The following CDC42BPA variants were observed in gnomAD, a reference collection of about 807,000 sequenced individuals.
CDC42BPA encodes CDC42 binding protein kinase alpha.
CDC42BPA carries 80 observed loss-of-function variants against 223.5 expected under a neutral mutation model. The ratio of observed to expected loss-of-function variants is 0.36; its 90% confidence interval spans 0.30 to 0.43. The LOEUF is 0.43. Among genes scored for constraint, CDC42BPA ranks in the 20% least tolerant of loss-of-function variants. The probability of loss-of-function intolerance (pLI) is 1.00; values close to 1 mark genes in which losing one functional copy is unlikely to be tolerated. For missense variants in CDC42BPA, 1,743 were observed against 2,099.9 expected, an observed-to-expected ratio of 0.83 and a Z score of 3.32; for synonymous variants, 694 against 718.6, an observed-to-expected ratio of 0.97 and a Z score of 0.55.
chr1:227,023,281 AAT>A lies in CDC42BPA; in HGVS notation c.4595_4596del (p.Tyr1532PhefsTer4). 1 of 1,466,980 alleles carries A rather than the reference AAT, an allele frequency of 6.8e-7. No homozygotes were observed. Among genetic ancestry groups the A allele is most frequent in the Non-Finnish European group, 9.5e-7 (1 of 1,056,288 alleles). The allele number at this position is 1,466,980 out of a possible 1,614,324, so 90.9% of individuals were successfully genotyped here. A position where few individuals can be genotyped will look rare whatever the true frequency, so the allele number is the denominator to read the frequency against. On this transcript the variant is annotated frameshift_variant, in exon 32 of 37. Coordinates refer to ENST00000366766, the MANE Select transcript of CDC42BPA (RefSeq NM_001394014.1). LOFTEE classifies it high-confidence loss of function. Reference protein sequence around the residue: ...LLGLETIRLIYFKNKMAEGDE... With the variant: ...LLGLETIRLIXFKNKMAEGDE... Reference sequence around the variant, plus strand: ...TTCTTACCTGCCATCTTATTTTTGAAATATATTAATCTAATGGTCTCCAACCC... The same window carrying A: ...TTCTTACCTGCCATCTTATTTTTGAAATATTAATCTAATGGTCTCCAACCC...
chr1:227,217,390 G>A (rs1290378560), intron 2 of CDC42BPA, among the ~76,000 whole-genome samples: 1 of 151,376 alleles, frequency 6.6e-6, no homozygotes, highest in Non-Finnish European at 1.5e-5. Context: ...GAGGTGTGGT[G>A]AGCCAAGATC....
At chr1:227,193,992 T>C in intron 4 of CDC42BPA, 58 bp from the exon 5 acceptor site, 1 of 1,238,116 alleles carries the variant, frequency 8.1e-7, no homozygotes, top group Non-Finnish European at 1.1e-6. Context: ...AAAATCAATA[T>C]ACTGTATCCC....
chr1:227,059,670 T>C (rs1297081961), intron 21 of CDC42BPA, among the ~76,000 whole-genome samples: 2 of 152,170 alleles, frequency 1.3e-5, no homozygotes, highest in Non-Finnish European at 2.9e-5. Context: ...CTTCATCAAG[T>C]GATAGACAAT....
chr1:227,304,998 T>C (rs961314251), intron 1 of CDC42BPA, among the ~76,000 whole-genome samples: 1 of 152,148 alleles, frequency 6.6e-6, no homozygotes, highest in African/African-American at 2.4e-5. Flanking sequence ...CACACACACA[T>C]ACATACATAA....
At chr1:227,090,184 G>T (rs1682820348) in intron 16 of CDC42BPA, among the ~76,000 whole-genome samples, 1 of 152,092 alleles carries the variant, frequency 6.6e-6, no homozygotes, top group South Asian at 2.1e-4. Context: ...TTTATGATGT[G>T]AACAGTATTC....
chr1:227,051,347 T>G (rs1033209988), intron 22 of CDC42BPA, among the ~76,000 whole-genome samples: 1 of 152,210 alleles, frequency 6.6e-6, no homozygotes, highest in Non-Finnish European at 1.5e-5. Flanking sequence ...TATTGGCTAT[T>G]TAAAACCATT....
At chr1:227,123,806 TA>T (rs2149467606) in intron 11 of CDC42BPA, among the ~76,000 whole-genome samples, 1 of 152,236 alleles carries the variant, frequency 6.6e-6, no homozygotes, top group South Asian at 2.1e-4. Flanking sequence ...TAGGCTCCTT[TA>T]TTATCAATGC....
intron 4 of CDC42BPA, among the ~76,000 whole-genome samples, chr1:227,194,445 G>A (rs1422333137): frequency 2.0e-5 from 3 of 152,136 alleles, no homozygotes; most frequent in Admixed American, 6.5e-5. Context: ...CCACTACTAC[G>A]TAGAATATAG....
intron 1 of CDC42BPA, among the ~76,000 whole-genome samples, chr1:227,264,514 G>A (rs1389140850): frequency 6.6e-6 from 1 of 150,778 alleles, no homozygotes; most frequent in Non-Finnish European, 1.5e-5. Flanking sequence ...TATCCTTTGA[G>A]GTTTTCTTAC....
At chr1:227,082,714 CAAAAAAAAA>C (rs71574595) in intron 16 of CDC42BPA, among the ~76,000 whole-genome samples, 750 of 59,514 alleles carry the variant, frequency 0.013, 11 homozygotes, top group African/African-American at 0.049. Flanking sequence ...GACTCTGTCT[CAAAAAAAAA>C]AAAAAAAAAA....
chr1:227,083,493 C>T (rs6681424), intron 16 of CDC42BPA, among the ~76,000 whole-genome samples: 6 of 151,872 alleles, frequency 4.0e-5, no homozygotes, highest in South Asian at 2.1e-4. Context: ...TTTCATACTG[C>T]GAACTCCTGC....
At chr1:227,301,465 T>C (rs943262007) in intron 1 of CDC42BPA, among the ~76,000 whole-genome samples, 2 of 152,028 alleles carry the variant, frequency 1.3e-5, no homozygotes, top group Non-Finnish European at 2.9e-5. Context: ...GTTCAAGCGA[T>C]TCTCCTGCCT....
At chr1:227,261,089 A>G (rs1683956844) in intron 1 of CDC42BPA, among the ~76,000 whole-genome samples, 1 of 149,386 alleles carries the variant, frequency 6.7e-6, no homozygotes, top group Non-Finnish European at 1.5e-5. Context: ...AGTATCTTTC[A>G]TATTAAAATT....
intron 2 of CDC42BPA, among the ~76,000 whole-genome samples, chr1:227,241,582 T>C (rs984417654): frequency 8.5e-5 from 13 of 152,180 alleles, no homozygotes; most frequent in Admixed American, 7.9e-4. Context: ...AAAGAGTACA[T>C]ACTGTATAAT....
intron 4 of CDC42BPA, among the ~76,000 whole-genome samples, chr1:227,196,338 CTTTT>C (rs34352900): frequency 1.9e-4 from 18 of 92,352 alleles, no homozygotes; most frequent in African/African-American, 7.6e-4. Flanking sequence ...TTAAACAATA[CTTTT>C]TTTTTTTTTT....
chr1:227,187,334 G>C (rs548941810), intron 5 of CDC42BPA, among the ~76,000 whole-genome samples: 15 of 152,138 alleles, frequency 9.9e-5, no homozygotes, highest in African/African-American at 3.4e-4. Context: ...GTCTAAGAAA[G>C]AATCAGAAAT....
At chr1:227,241,211 C>CA (rs1015119384) in intron 2 of CDC42BPA, among the ~76,000 whole-genome samples, 2 of 151,888 alleles carry the variant, frequency 1.3e-5, no homozygotes, top group Non-Finnish European at 2.9e-5. Flanking sequence ...ATATTAACAA[C>CA]AAAAAATATT....
intron 6 of CDC42BPA, among the ~76,000 whole-genome samples, chr1:227,153,064 G>A (rs1314259949): frequency 1.3e-5 from 2 of 151,824 alleles, no homozygotes; most frequent in African/African-American, 4.8e-5. Flanking sequence ...CAAAAGAGCT[G>A]TGCAAAACAT....
intron 12 of CDC42BPA, among the ~76,000 whole-genome samples, chr1:227,119,438 A>T (rs918770820): frequency 1.3e-5 from 2 of 152,066 alleles, no homozygotes; most frequent in Non-Finnish European, 2.9e-5. Context: ...AAGAATGTTC[A>T]TATCAGTAAG....
Sources: gnomAD v4.1 joint callset for allele counts (sites outside exome capture counted in the v4.1 genomes callset) on GRCh38, gnomAD v4.1.1 for gene constraint, MANE v1.5 for transcripts, NCBI Gene and HGNC (gene_info 2026-07-23, HGNC 2026-07-21) for gene names.